SCLT1: variants seen among roughly 807,000 people sequenced by gnomAD.
SCLT1 encodes sodium channel-associated protein 1.
SCLT1 carries 78 observed loss-of-function variants against 112.8 expected under a neutral mutation model. The observed-to-expected ratio is 0.69, with a 90% CI of 0.58 to 0.83. The LOEUF (loss-of-function observed/expected upper bound fraction) is 0.83. SCLT1 is among the 40% of genes least tolerant of loss of function. The pLI is 0.00. For missense variants in SCLT1, 747 were observed against 770.4 expected (o/e 0.97, Z 0.36); for synonymous variants, 257 against 254.7 (o/e 1.01, Z -0.09).
chr4:129,079,532 T>G (rs1261834428), intron 2 of SCLT1, among the ~76,000 whole-genome samples: 1 of 152,166 alleles, frequency 6.6e-6, no homozygotes, highest in Admixed American at 6.5e-5. Context: ...GCAACACTGA[T>G]GCAAGGGGTG....
At chr4:128,957,201 T>C (rs1739294408) in intron 12 of SCLT1, 77 bp from the exon 13 acceptor site, 1 of 747,482 alleles carries the variant, frequency 1.3e-6, no homozygotes, top group South Asian at 2.0e-5. Flanking sequence ...ACCTATCCAC[T>C]AGTCACTTCC....
chr4:128,946,291 T>C, intron 15 of SCLT1, 139 bp from the exon 16 acceptor site: 1 of 455,890 alleles, frequency 2.2e-6, no homozygotes, highest in Non-Finnish European at 3.8e-6. Flanking sequence ...ATGAAACATA[T>C]CAATAATTAA....
intron 5 of SCLT1, among the ~76,000 whole-genome samples, chr4:129,020,910 C>A (rs1745413006): frequency 6.6e-6 from 1 of 152,182 alleles, no homozygotes; most frequent in Admixed American, 6.5e-5. Context: ...TGCTCTCACA[C>A]ATTCTAGTGG....
At chr4:129,008,598 C>G (rs59443911) in intron 5 of SCLT1, among the ~76,000 whole-genome samples, 1 of 152,092 alleles carries the variant, frequency 6.6e-6, no homozygotes, top group African/African-American at 2.4e-5. Flanking sequence ...TCAAATTACA[C>G]GAATTTTAGT....
At chr4:128,924,653 C>T (rs1378661084) in intron 18 of SCLT1, among the ~76,000 whole-genome samples, 3 of 152,068 alleles carry the variant, frequency 2.0e-5, no homozygotes, top group Admixed American at 6.5e-5. Flanking sequence ...TTTTGCTTAT[C>T]ATAAGATTTT....
intron 5 of SCLT1, chr4:129,037,515 T>A (rs1747290661): frequency 6.6e-6 from 1 of 152,162 alleles, no homozygotes; most frequent in African/African-American, 2.4e-5. Context: ...TTTTCCAATA[T>A]CAAGTCTCCA....
chr4:128,949,923 T>C lies in SCLT1; in HGVS notation c.1219-1353A>G, dbSNP rs139682043. On this transcript the variant is annotated intron_variant, in intron 14 of 20. Transcript: ENST00000281142. ...CTAACTGTACACTACGTACTAATGA[T>C]GTTCAATTATTTTATAGAAGAAGTG... Among the ~76,000 whole-genome samples, 523 of 151,974 alleles carry C rather than the reference T, an allele frequency of 3.4e-3. 2 individuals are homozygous for C. The highest frequency in any genetic ancestry group is 0.012 in the African/African-American group (498 of 41,442).
intron 1 of SCLT1, among the ~76,000 whole-genome samples, chr4:129,086,313 G>GTA (rs5861875): frequency 1.5e-3 from 219 of 150,170 alleles, no homozygotes; most frequent in Middle Eastern, 6.9e-3. Context: ...GTGTATGTAT[G>GTA]TATATATATA....
chr4:128,875,656 T>G (rs947608767), intron 4 of SCLT1, among the ~76,000 whole-genome samples: 1 of 152,206 alleles, frequency 6.6e-6, no homozygotes, highest in African/African-American at 2.4e-5. Context: ...TTGTGATTAT[T>G]TAAAGCAAGT....
intron 9 of SCLT1, among the ~76,000 whole-genome samples, chr4:128,982,872 A>T (rs1378501605): frequency 3.3e-5 from 5 of 151,450 alleles, no homozygotes; most frequent in African/African-American, 1.2e-4. Context: ...ACCCCATGCA[A>T]ATGCTTTACT....
chr4:129,010,408 C>T (rs569603008), intron 5 of SCLT1, among the ~76,000 whole-genome samples: 63 of 152,122 alleles, frequency 4.1e-4, no homozygotes, highest in South Asian at 4.1e-4. Context: ...ACTCTTTTTT[C>T]GTTCCACATG....
At chr4:129,065,964 G>T (rs1306859261) in intron 2 of SCLT1, among the ~76,000 whole-genome samples, 1 of 151,882 alleles carries the variant, frequency 6.6e-6, no homozygotes, top group African/African-American at 2.4e-5. Flanking sequence ...ATATAGATAA[G>T]TCAGTAGGGA....
At chr4:129,042,544 G>A (rs538804932) in intron 4 of SCLT1, among the ~76,000 whole-genome samples, 3 of 152,232 alleles carry the variant, frequency 2.0e-5, no homozygotes, top group Admixed American at 6.5e-5. Flanking sequence ...AGAGATGTAA[G>A]CAAACAATAA....
chr4:128,891,249 A>G, intron 18 of SCLT1, 112 bp from the exon 19 acceptor site: 2 of 772,234 alleles, frequency 2.6e-6, no homozygotes, highest in East Asian at 2.6e-5. Flanking sequence ...CTTGAGGTGG[A>G]AAATAAAGTC....
intron 2 of SCLT1, among the ~76,000 whole-genome samples, chr4:129,054,529 G>C (rs1005201734): frequency 2.0e-5 from 3 of 151,648 alleles, no homozygotes; most frequent in Admixed American, 2.0e-4. Flanking sequence ...CCTTTCTTCC[G>C]CTTGATCGAT....
At chr4:128,962,020 T>A (rs886754694) in intron 11 of SCLT1, among the ~76,000 whole-genome samples, 4 of 152,244 alleles carry the variant, frequency 2.6e-5, no homozygotes, top group South Asian at 2.1e-4. Flanking sequence ...CCAGCCTGCC[T>A]AAGGACATTT....
At position 129,006,572 on chromosome 4, in the gene SCLT1, A is replaced by G. The variant is rs574113709; in HGVS notation, c.291-2696T>C. On this transcript the variant is annotated intron_variant, in intron 5 of 20. Transcript: ENST00000281142. ...AAAAAAAAATTTAAAGGTCACAGAAATATCGTAATTGTCCCCCATTGATTA... is the reference window on the plus strand; with the variant it reads ...AAAAAAAAATTTAAAGGTCACAGAAGTATCGTAATTGTCCCCCATTGATTA... 4.6e-5 allele frequency among the ~76,000 whole-genome samples: 7 copies of G among 152,140 alleles called. No individual in the cohort carries two copies. In the East Asian group the frequency reaches 1.4e-3, roughly 29 times the overall value.
At chr4:128,879,784 T>A (rs1732601977), downstream of SCLT1, among the ~76,000 whole-genome samples, 1 of 152,220 alleles carries the variant, frequency 6.6e-6, no homozygotes, top group Non-Finnish European at 1.5e-5. Flanking sequence ...ATAACTTCTC[T>A]TATTCTCTTT....
chr4:128,930,844 C>T (rs1736699511), intron 18 of SCLT1, among the ~76,000 whole-genome samples: 1 of 152,048 alleles, frequency 6.6e-6, no homozygotes, highest in African/African-American at 2.4e-5. Context: ...AGATGTAAAG[C>T]TGCAGGAGGG....
Sources: gnomAD v4.1 joint callset for allele counts (sites outside exome capture counted in the v4.1 genomes callset) on GRCh38, gnomAD v4.1.1 for gene constraint, MANE v1.5 for transcripts, NCBI Gene and HGNC (gene_info 2026-07-23, HGNC 2026-07-21) for gene names.